TMEM132D: variants seen among roughly 807,000 people sequenced by gnomAD.
The protein encoded by TMEM132D is mature OL transmembrane protein.
A neutral mutation model predicts 62.3 loss-of-function variants in TMEM132D; 21 were observed. The ratio of observed to expected loss-of-function variants is 0.34; its 90% CI spans 0.24 to 0.49. The LOEUF (loss-of-function observed/expected upper bound fraction) is 0.49, where lower values mean the gene tolerates loss of function less well. Among genes scored for constraint, TMEM132D ranks in the 20% least tolerant of loss-of-function variants. The probability of loss-of-function intolerance (pLI) is 0.99; values close to 1 mark genes in which losing one functional copy is unlikely to be tolerated. For synonymous variants in TMEM132D, 621 were observed against 575.6 expected (o/e 1.08, Z -1.13); for missense variants, 1,346 against 1,402.8 (o/e 0.96, Z 0.65).
rs181429022 is a variant in TMEM132D, at chr12:129,676,455, G to A, written c.968+23355C>T. Among the ~76,000 whole-genome samples the A allele has an allele frequency of 2.8e-3, 431 of 152,324 alleles. 4 individuals carry two copies. The highest frequency in any genetic ancestry group is 1.0e-2 in the African/African-American group (415 of 41,562). On this transcript the variant is annotated intron_variant, in intron 2 of 8. Coordinates refer to ENST00000422113, the MANE Select transcript of TMEM132D (RefSeq NM_133448.3). ...CACTGGGTAGTTTATAAAGACGATAGGTTTATTTGGCTCACGGTTCTGCAG... is the reference window on the plus strand; with the variant it reads ...CACTGGGTAGTTTATAAAGACGATAAGTTTATTTGGCTCACGGTTCTGCAG...
At position 129,073,186 on chromosome 12, in the gene TMEM132D, G is replaced by A. The variant is rs953075872; in HGVS notation, c.*689C>T. ...TTTACAAATAAAGAAGTACCCTGAAGGGCTCAGAGGATTTGCGTCCATGTG... is the reference window on the plus strand; with the variant it reads ...TTTACAAATAAAGAAGTACCCTGAAAGGCTCAGAGGATTTGCGTCCATGTG... On this transcript the variant is annotated 3_prime_UTR_variant, in exon 9 of 9. Transcript: ENST00000422113. The A allele has an allele frequency of 3.3e-5, 5 of 152,234 alleles. No homozygotes were observed. Among genetic ancestry groups the A allele is most frequent in the African/African-American group, 1.2e-4 (5 of 41,462 alleles). The allele number at this position is 152,234 out of a possible 1,614,324, so 9.4% of individuals were successfully genotyped here. A position where few individuals can be genotyped will look rare whatever the true frequency, so the allele number is the denominator to read the frequency against.
intron 4 of TMEM132D, among the ~76,000 whole-genome samples, chr12:129,298,632 C>T (rs746315427): frequency 4.6e-5 from 7 of 152,194 alleles, no homozygotes; most frequent in Non-Finnish European, 1.0e-4. Flanking sequence ...TTCTGTCTGG[C>T]TCCCCTATTT....
intron 2 of TMEM132D, among the ~76,000 whole-genome samples, chr12:129,622,591 A>G (rs895732145): frequency 6.6e-6 from 1 of 152,222 alleles, no homozygotes; most frequent in African/African-American, 2.4e-5. Context: ...TATATCAGCA[A>G]ACAGGGCTTT....
At chr12:129,408,440 CTTTT>C (rs34261219) in intron 3 of TMEM132D, among the ~76,000 whole-genome samples, 2 of 143,708 alleles carry the variant, frequency 1.4e-5, no homozygotes, top group African/African-American at 5.1e-5. Context: ...TTGATAGTAG[CTTTT>C]TTTTTTTTTA....
intron 1 of TMEM132D, among the ~76,000 whole-genome samples, chr12:129,725,425 C>T (rs1223678863): frequency 6.6e-6 from 1 of 152,184 alleles, no homozygotes. Context: ...TGACTTGTTT[C>T]AGTCAATGCT....
chr12:129,325,178 G>T (rs746712520), intron 4 of TMEM132D, among the ~76,000 whole-genome samples: 2 of 152,140 alleles, frequency 1.3e-5, no homozygotes, highest in African/African-American at 2.4e-5. Flanking sequence ...CTTCTGCCGC[G>T]GGATGGACAG....
chr12:129,633,491 T>C (rs759252973), intron 2 of TMEM132D, among the ~76,000 whole-genome samples: 5 of 152,090 alleles, frequency 3.3e-5, no homozygotes, highest in Non-Finnish European at 5.9e-5. Context: ...CTACTAAGGG[T>C]TTAGCAAATA....
chr12:129,788,787 G>A (rs1056300889), intron 1 of TMEM132D, among the ~76,000 whole-genome samples: 4 of 152,150 alleles, frequency 2.6e-5, no homozygotes, highest in Non-Finnish European at 2.9e-5. Flanking sequence ...TCTTTCTGAG[G>A]AGTTGGCAAT....
chr12:129,798,974 T>A (rs1008612871), intron 1 of TMEM132D, among the ~76,000 whole-genome samples: 65 of 152,292 alleles, frequency 4.3e-4, no homozygotes, highest in African/African-American at 1.5e-3. Flanking sequence ...CACATAAAAA[T>A]ATGGATGTCG....
intron 2 of TMEM132D, among the ~76,000 whole-genome samples, chr12:129,636,128 G>T (rs781441336): frequency 1.3e-5 from 2 of 152,170 alleles, no homozygotes; most frequent in Non-Finnish European, 2.9e-5. Context: ...ATCCTTAGAG[G>T]CAATAGATGG....
At chr12:129,472,893 CAG>C (rs1267450667) in intron 3 of TMEM132D, among the ~76,000 whole-genome samples, 2 of 151,356 alleles carry the variant, frequency 1.3e-5, no homozygotes, top group East Asian at 1.9e-4. Context: ...TTTTTTGAGA[CAG>C]AGTTTCACTC....
At chr12:129,716,882 C>A (rs554777538) in intron 1 of TMEM132D, among the ~76,000 whole-genome samples, 1 of 152,164 alleles carries the variant, frequency 6.6e-6, no homozygotes, top group Non-Finnish European at 1.5e-5. Flanking sequence ...CAACTATAAA[C>A]GAACAGTGGC....
chr12:129,357,693 G>T (rs1446748282), intron 3 of TMEM132D, among the ~76,000 whole-genome samples: 2 of 150,918 alleles, frequency 1.3e-5, no homozygotes, highest in Admixed American at 6.6e-5. Flanking sequence ...GAGAGAGAGA[G>T]AAGTGAGTGA....
At chr12:129,337,884 G>A (rs1393830956) in intron 3 of TMEM132D, 67 bp from the exon 4 acceptor site, 8 of 1,501,474 alleles carry the variant, frequency 5.3e-6, no homozygotes, top group Non-Finnish European at 7.1e-6. Context: ...TTGGCAGAGA[G>A]TGGGCGGCCC....
rs1219980997 is a variant in TMEM132D at position 129,700,628 on chromosome 12, G to A, written c.150C>T (p.Thr50=). The A allele has an allele frequency of 1.2e-6, 2 of 1,614,050 alleles. No homozygotes were observed. The highest frequency in any genetic ancestry group is 1.7e-6 in the Non-Finnish European group (2 of 1,180,028). The change falls in exon 2 of 9, where the codon ACC becomes ACT. Residue 50 remains threonine (T), a synonymous_variant. Coordinates refer to ENST00000422113, the MANE Select transcript of TMEM132D (RefSeq NM_133448.3). ...FSLLPTYLPV[T]YHINNADVSF... ...AGACGTCCGCGTTGTTGATGTGGTA[G>A]GTCACGGGGAGGTAGGTGGGCAGCA... is the stretch of plus-strand genomic sequence containing the variant.
At chr12:129,268,167 AG>A (rs1880747713) in intron 4 of TMEM132D, among the ~76,000 whole-genome samples, 1 of 152,256 alleles carries the variant, frequency 6.6e-6, no homozygotes, top group Admixed American at 6.5e-5. Flanking sequence ...TGGCAACCAA[AG>A]CCAAAATTGA....
chr12:129,372,642 A>G (rs1870649370), intron 3 of TMEM132D, among the ~76,000 whole-genome samples: 1 of 151,938 alleles, frequency 6.6e-6, no homozygotes, highest in African/African-American at 2.4e-5. Context: ...CAGGGATACT[A>G]TGCTGTAGTG....
At chr12:129,764,666 C>T (rs1284651126) in intron 1 of TMEM132D, among the ~76,000 whole-genome samples, 1 of 152,146 alleles carries the variant, frequency 6.6e-6, no homozygotes, top group Non-Finnish European at 1.5e-5. Flanking sequence ...CCTGCCTGGG[C>T]ACAGTAGGTT....
chr12:129,504,005 T>TCA (rs397823701), intron 3 of TMEM132D, among the ~76,000 whole-genome samples: 3 of 150,908 alleles, frequency 2.0e-5, no homozygotes, highest in African/African-American at 2.4e-5. Context: ...ATTGTCATCA[T>TCA]TACTGTCATC....
Sources: allele counts gnomAD v4.1 joint callset (sites outside exome capture counted in the v4.1 genomes callset), GRCh38; gene constraint gnomAD v4.1.1; transcripts MANE v1.5; gene names NCBI Gene and HGNC (gene_info 2026-07-23, HGNC 2026-07-21).